The following CNTN4 variants were observed in gnomAD, a reference collection of about 807,000 sequenced individuals.
CNTN4 encodes contactin 4, also known as contactin-4.
CNTN4 carries 77 observed loss-of-function variants against 122.5 expected under a neutral mutation model. The ratio of observed to expected loss-of-function variants is 0.63; its 90% CI spans 0.52 to 0.76. CNTN4 has a LOEUF of 0.76. CNTN4 is among the 30% of genes least tolerant of loss of function. The pLI, the probability that CNTN4 is intolerant of heterozygous loss-of-function variation, is 0.00. For synonymous variants in CNTN4, 512 were observed against 447.0 expected (o/e 1.15, Z -1.83); for missense variants, 1,256 against 1,259.1 (o/e 1.00, Z 0.04).
chr3:2,753,187 A>G (rs1405005983), intron 6 of CNTN4, among the ~76,000 whole-genome samples: 2 of 152,218 alleles, frequency 1.3e-5, no homozygotes, highest in African/African-American at 2.4e-5. Flanking sequence ...ATACCTAAGT[A>G]TAGTTGATAA....
intron 2 of CNTN4, among the ~76,000 whole-genome samples, chr3:2,179,446 G>C (rs945596671): frequency 3.3e-5 from 5 of 151,944 alleles, no homozygotes; most frequent in African/African-American, 7.2e-5. Flanking sequence ...ATGAAGTTGA[G>C]ATAATAAACT....
At chr3:2,632,853 C>G (rs947656070) in intron 4 of CNTN4, among the ~76,000 whole-genome samples, 1 of 152,042 alleles carries the variant, frequency 6.6e-6, no homozygotes, top group Admixed American at 6.6e-5. Flanking sequence ...CAGGGTTGCC[C>G]TGCCAGTGAA....
chr3:2,456,202 A>G (rs1045480309), intron 3 of CNTN4, among the ~76,000 whole-genome samples: 2 of 152,026 alleles, frequency 1.3e-5, no homozygotes, highest in Non-Finnish European at 2.9e-5. Flanking sequence ...CCTGAATGTG[A>G]ATTGACTGGC....
chr3:2,994,226 AT>A (rs5846234), intron 14 of CNTN4, among the ~76,000 whole-genome samples: 14 of 151,254 alleles, frequency 9.3e-5, no homozygotes, highest in African/African-American at 2.4e-4. Context: ...TCTAATAGCA[AT>A]TTTTTTTTAT....
chr3:2,318,052 G>A (rs890542106), intron 2 of CNTN4, among the ~76,000 whole-genome samples: 4 of 151,934 alleles, frequency 2.6e-5, no homozygotes, highest in Admixed American at 2.0e-4. Context: ...ATGTTAAAAC[G>A]AAGAGTTTAA....
At chr3:2,397,556 TTGTA>T (rs2046685533) in intron 3 of CNTN4, among the ~76,000 whole-genome samples, 1 of 152,104 alleles carries the variant, frequency 6.6e-6, no homozygotes. Context: ...ATACATCTGA[TTGTA>T]TCAAATACAG....
intron 13 of CNTN4, among the ~76,000 whole-genome samples, chr3:2,963,681 A>T (rs2094884216): frequency 6.6e-6 from 1 of 152,230 alleles, no homozygotes; most frequent in Admixed American, 6.5e-5. Context: ...CCCCCAACAC[A>T]CACCAAAAGT....
At chr3:2,372,707 G>C (rs1433059200) in intron 3 of CNTN4, among the ~76,000 whole-genome samples, 2 of 152,180 alleles carry the variant, frequency 1.3e-5, no homozygotes, top group Non-Finnish European at 2.9e-5. Flanking sequence ...AAAACCAATT[G>C]AGTGAGAGTC....
At chr3:2,664,706 C>T (rs1248357778) in intron 4 of CNTN4, among the ~76,000 whole-genome samples, 1 of 152,164 alleles carries the variant, frequency 6.6e-6, no homozygotes, top group Non-Finnish European at 1.5e-5. Context: ...TTTCTTGGAA[C>T]TGCAGAAATA....
intron 3 of CNTN4, among the ~76,000 whole-genome samples, chr3:2,451,245 A>G (rs532352658): frequency 7.2e-5 from 11 of 152,246 alleles, no homozygotes; most frequent in South Asian, 4.1e-4. Context: ...TATTAATGTA[A>G]TAATAGCTTA....
chr3:2,256,452 T>G (rs1166771469), intron 2 of CNTN4, among the ~76,000 whole-genome samples: 1 of 152,204 alleles, frequency 6.6e-6, no homozygotes, highest in African/African-American at 2.4e-5. Context: ...GAGGTCAGCA[T>G]CATCCTGATA....
chr3:2,283,565 C>G (rs935797847), intron 2 of CNTN4, among the ~76,000 whole-genome samples: 2 of 152,052 alleles, frequency 1.3e-5, no homozygotes, highest in Non-Finnish European at 2.9e-5. Context: ...TATAGCTAAA[C>G]TGGAAGTAAA....
At chr3:2,485,144 G>C (rs557124429) in intron 3 of CNTN4, among the ~76,000 whole-genome samples, 112 of 152,330 alleles carry the variant, frequency 7.4e-4, no homozygotes, top group Middle Eastern at 6.8e-3. Flanking sequence ...CTGCCTCCCC[G>C]TGGGGCAGGG....
At chr3:2,490,170 AAGCAAACG>A (rs1035850414) in intron 3 of CNTN4, among the ~76,000 whole-genome samples, 4 of 94,216 alleles carry the variant, frequency 4.2e-5, no homozygotes, top group South Asian at 3.6e-4. Flanking sequence ...ACAAGCAAAC[AAGCAAACG>A]TGAACATCTG....
At chr3:2,143,356 C>G (rs1313662369) in intron 2 of CNTN4, among the ~76,000 whole-genome samples, 1 of 152,112 alleles carries the variant, frequency 6.6e-6, no homozygotes, top group Non-Finnish European at 1.5e-5. Flanking sequence ...AAGCTGTGTG[C>G]CAAAACTGTG....
At chr3:2,434,706 A>C (rs1196204562) in intron 3 of CNTN4, among the ~76,000 whole-genome samples, 2 of 152,124 alleles carry the variant, frequency 1.3e-5, no homozygotes, top group Non-Finnish European at 2.9e-5. Context: ...GAGTAGCTAA[A>C]GTTCTCTATG....
chr3:2,217,675 C>A (rs2038902334), intron 2 of CNTN4, among the ~76,000 whole-genome samples: 1 of 102,652 alleles, frequency 9.7e-6, no homozygotes, highest in Non-Finnish European at 2.2e-5. Context: ...CTGAGAAAAG[C>A]ATTATAAAGA....
At position 2,167,492 on chromosome 3, in the gene CNTN4, T is replaced by G. The variant is rs188317279; in HGVS notation, c.-145+66853T>G. On this transcript the variant is annotated intron_variant, in intron 2 of 24. Transcript: ENST00000418658. ...CTTTTGTGCACTGAAGGACACACATTATGATGAATTGGAAACATAAACATT... is the reference window on the plus strand; with the variant it reads ...CTTTTGTGCACTGAAGGACACACATGATGATGAATTGGAAACATAAACATT... Among the ~76,000 whole-genome samples the G allele has an allele frequency of 1.1e-3, 161 of 152,298 alleles. 2 individuals carry two copies. The highest frequency in any genetic ancestry group is 3.6e-3 in the African/African-American group (151 of 41,578).
intron 7 of CNTN4, among the ~76,000 whole-genome samples, chr3:2,828,101 C>A (rs1022270994): frequency 6.6e-6 from 1 of 151,990 alleles, no homozygotes; most frequent in Non-Finnish European, 1.5e-5. Flanking sequence ...CATTCTCTCT[C>A]TCTCTCTCTC....
Sources: allele counts gnomAD v4.1 joint callset (sites outside exome capture counted in the v4.1 genomes callset), GRCh38; gene constraint gnomAD v4.1.1; transcripts MANE v1.5; gene names NCBI Gene and HGNC (gene_info 2026-07-23, HGNC 2026-07-21).